Variants in CAST observed in about 807,000 individuals in gnomAD.
CAST encodes MIR583 host.
In CAST, 76 loss-of-function variants were observed where a neutral mutation model predicts 119.6. The observed-to-expected ratio is 0.64, with a 90% CI of 0.53 to 0.77. CAST has a LOEUF of 0.77. Among genes scored for constraint, CAST ranks in the 30% least tolerant of loss-of-function variants. CAST has a pLI of 0.00. For synonymous variants in CAST, 319 were observed against 331.6 expected (o/e 0.96, Z 0.41); for missense variants, 953 against 946.5 (o/e 1.01, Z -0.09).
the CAST span, among the ~76,000 whole-genome samples, chr5:96,122,060 G>A: frequency 1.3e-5 from 2 of 152,048 alleles, no homozygotes; most frequent in African/African-American, 2.4e-5. Context: ...GGTATTGATT[G>A]TAATTTCTAA....
the CAST span, among the ~76,000 whole-genome samples, chr5:96,431,214 G>C: frequency 1.3e-5 from 2 of 152,112 alleles, no homozygotes; most frequent in Middle Eastern, 3.2e-3. Flanking sequence ...TAATAATTGC[G>C]TGCAATTCCC....
the CAST span, among the ~76,000 whole-genome samples, chr5:96,447,179 C>T: frequency 6.6e-6 from 1 of 152,160 alleles, no homozygotes; most frequent in Admixed American, 6.5e-5. Flanking sequence ...TGAGCCCAGG[C>T]GTAAGAAGCC....
At chr5:96,418,262 A>G in the CAST span, among the ~76,000 whole-genome samples, 1 of 152,196 alleles carries the variant, frequency 6.6e-6, no homozygotes, top group Non-Finnish European at 1.5e-5. Flanking sequence ...TTCTTTTCTA[A>G]GTGAGGTGCT....
the CAST span, among the ~76,000 whole-genome samples, chr5:96,253,903 G>A: frequency 9.2e-3 from 1,400 of 151,760 alleles, 25 homozygotes; most frequent in African/African-American, 0.033. Context: ...CCTTATCAAA[G>A]TCATTTTATC....
chr5:95,961,793 G>A, the CAST span: 2 of 1,481,374 alleles, frequency 1.4e-6, no homozygotes, highest in Non-Finnish European at 1.8e-6. Flanking sequence ...GGCTGCTTGG[G>A]CTTCTGCAGC....
chr5:96,758,220 T>C (rs1766771743), intron 24 of CAST, among the ~76,000 whole-genome samples: 1 of 152,178 alleles, frequency 6.6e-6, no homozygotes. Context: ...TTATCCAAAA[T>C]TACTCCTCAG....
At chr5:96,257,486 A>G in the CAST span, among the ~76,000 whole-genome samples, 1 of 152,306 alleles carries the variant, frequency 6.6e-6, no homozygotes, top group East Asian at 1.9e-4. Flanking sequence ...ATATCTTGGG[A>G]TGGAAAGGAT....
intron 1 of CAST, among the ~76,000 whole-genome samples, chr5:96,648,238 T>C (rs914287170): frequency 6.6e-6 from 1 of 152,224 alleles, no homozygotes; most frequent in African/African-American, 2.4e-5. Flanking sequence ...TTCCCCTCTT[T>C]CAAAACCCAC....
chr5:96,347,863 A>G, the CAST span, among the ~76,000 whole-genome samples: 4 of 152,338 alleles, frequency 2.6e-5, no homozygotes, highest in East Asian at 7.7e-4. Context: ...CGTGTCTACT[A>G]TGAAGCCATC....
chr5:96,378,526 A>T, the CAST span, among the ~76,000 whole-genome samples: 1 of 152,246 alleles, frequency 6.6e-6, no homozygotes, highest in Non-Finnish European at 1.5e-5. Context: ...TTTTATAAGC[A>T]AAAAACTAAA....
chr5:96,683,029 C>T (rs932414011), intron 2 of CAST, among the ~76,000 whole-genome samples: 3 of 152,076 alleles, frequency 2.0e-5, no homozygotes, highest in Non-Finnish European at 4.4e-5. Flanking sequence ...TAGTTGGTTT[C>T]CAGGATTTGG....
chr5:96,128,353 A>G, the CAST span, among the ~76,000 whole-genome samples: 2 of 152,010 alleles, frequency 1.3e-5, no homozygotes, highest in Non-Finnish European at 2.9e-5. Flanking sequence ...TTTTAGTCTG[A>G]TTGATGTTTC....
chr5:96,125,910 T>G, the CAST span, among the ~76,000 whole-genome samples: 7 of 152,134 alleles, frequency 4.6e-5, no homozygotes, highest in Non-Finnish European at 1.0e-4. Context: ...GGTTTTGACA[T>G]TGCTTACTAG....
chr5:96,578,147 T>C (rs1746706320), intron 1 of CAST, among the ~76,000 whole-genome samples: 1 of 152,202 alleles, frequency 6.6e-6, no homozygotes, highest in African/African-American at 2.4e-5. Flanking sequence ...GACTTTCTAG[T>C]GAACTAATTC....
At chr5:96,003,379 A>T in the CAST span, among the ~76,000 whole-genome samples, 1 of 152,122 alleles carries the variant, frequency 6.6e-6, no homozygotes, top group Middle Eastern at 3.4e-3. Context: ...TCTACTAAAA[A>T]TATGAAAAAT....
At chr5:96,732,575 G>C (rs994789911) in intron 9 of CAST, among the ~76,000 whole-genome samples, 1 of 150,532 alleles carries the variant, frequency 6.6e-6, no homozygotes, top group African/African-American at 2.5e-5. Context: ...TGAAGTCCTT[G>C]CCCATGCCTA....
chr5:96,643,771 G>A (rs149082468), intron 1 of CAST, among the ~76,000 whole-genome samples: 7 of 152,276 alleles, frequency 4.6e-5, no homozygotes, highest in Non-Finnish European at 1.5e-5. Flanking sequence ...TACTTGGGAG[G>A]CTGAAGCAGG....
chr5:96,192,770 A>G, the CAST span, among the ~76,000 whole-genome samples: 4 of 152,218 alleles, frequency 2.6e-5, no homozygotes, highest in Non-Finnish European at 5.9e-5. Flanking sequence ...AAAACCCTTA[A>G]GAACCACTGT....
intron 1 of CAST, among the ~76,000 whole-genome samples, chr5:96,649,871 A>C (rs1580858275): frequency 6.6e-6 from 1 of 152,234 alleles, no homozygotes; most frequent in African/African-American, 2.4e-5. Flanking sequence ...GTATATAATG[A>C]GTTAGGTAAT....
Sources: allele counts gnomAD v4.1 joint callset (sites outside exome capture counted in the v4.1 genomes callset), GRCh38; gene constraint gnomAD v4.1.1; transcripts MANE v1.5; gene names NCBI Gene and HGNC (gene_info 2026-07-23, HGNC 2026-07-21).